Variants in CNTNAP3B observed in about 807,000 individuals in gnomAD.
CNTNAP3B encodes the protein contactin-associated protein-like 3B.
Under a neutral mutation model 108.9 loss-of-function variants are expected in CNTNAP3B, and 25 were observed. The ratio of observed to expected loss-of-function variants is 0.23; its 90% CI spans 0.17 to 0.32. The LOEUF (loss-of-function observed/expected upper bound fraction) is 0.32. CNTNAP3B is among the 10% of genes least tolerant of loss of function. The pLI, the probability that CNTNAP3B is intolerant of heterozygous loss-of-function variation, is 1.00. For missense variants in CNTNAP3B, 252 were observed against 1,210.4 expected, an observed-to-expected ratio of 0.21 and a Z score of 11.75; for synonymous variants, 103 against 473.4, an observed-to-expected ratio of 0.22 and a Z score of 10.16.
At chr9:42,035,327 C>G (rs1826601543) in intron 3 of CNTNAP3B, among the ~76,000 whole-genome samples, 2 of 146,254 alleles carry the variant, frequency 1.4e-5, no homozygotes, top group Admixed American at 1.4e-4. Context: ...TCCTATGATT[C>G]AATTTTCAGA....
chr9:41,968,802 T>TA (rs1388237188), intron 10 of CNTNAP3B, among the ~76,000 whole-genome samples: 3 of 1,232 alleles, frequency 2.4e-3, no homozygotes, highest in African/African-American at 4.4e-3. Flanking sequence ...CAGATATAAC[T>TA]TTTTTTTTTT....
intron 3 of CNTNAP3B, among the ~76,000 whole-genome samples, chr9:42,031,872 G>A (rs1826528531): frequency 1.2e-5 from 1 of 85,408 alleles, no homozygotes; most frequent in Non-Finnish European, 2.4e-5. Context: ...CTGGCTGGAT[G>A]AAGATTATTT....
At chr9:42,063,953 T>C in intron 3 of CNTNAP3B, among the ~76,000 whole-genome samples, 1 of 148,088 alleles carries the variant, frequency 6.8e-6, no homozygotes, top group East Asian at 2.0e-4. Context: ...GTCCATACTT[T>C]TAAGTTTTGT....
Position 41,997,772 on chromosome 9 carries a change from AAC to A in CNTNAP3B, c.743-22_743-21del, listed in dbSNP as rs747633884. The A allele has an allele frequency of 7.4e-7, 1 of 1,347,780 alleles. No individual in the cohort carries two copies. The highest frequency in any genetic ancestry group is 1.3e-5 in the South Asian group (1 of 75,722). 83.5% of individuals were successfully genotyped at this position (1,347,780 alleles called of 1,614,324 possible). A position where few individuals can be genotyped will look rare whatever the true frequency, so the allele number is the denominator to read the frequency against. On this transcript the variant is annotated intron_variant, in intron 5 of 23. Transcript: ENST00000377561. ...CATTGCCTTAAAGGAGAAGGAAAAA[AAC>A]AGTTATTTCTGTTCAAAATCACGGC...
intron 15 of CNTNAP3B, among the ~76,000 whole-genome samples, chr9:41,925,384 G>T (rs1208453700): frequency 2.0e-5 from 3 of 152,208 alleles, no homozygotes; most frequent in Non-Finnish European, 4.4e-5. Flanking sequence ...ATGAGGTCAG[G>T]AGATCCAGAC....
At chr9:41,934,122 T>TATATATATATAC (rs1214326050) in intron 14 of CNTNAP3B, among the ~76,000 whole-genome samples, 44 of 73,446 alleles carry the variant, frequency 6.0e-4, no homozygotes, top group African/African-American at 1.9e-3. Context: ...TATATATATA[T>TATATATATATAC]ACACACACAT....
intron 11 of CNTNAP3B, among the ~76,000 whole-genome samples, chr9:41,961,508 C>T (rs1825090566): frequency 6.6e-6 from 1 of 152,302 alleles, no homozygotes; most frequent in South Asian, 2.1e-4. Context: ...AACTGAATAC[C>T]TAAGCACATT....
intron 13 of CNTNAP3B, among the ~76,000 whole-genome samples, chr9:41,943,421 C>T (rs1283909457): frequency 1.2e-4 from 17 of 145,938 alleles, no homozygotes; most frequent in South Asian, 1.1e-3. Flanking sequence ...GGTGCAATCT[C>T]GGCTCACTGC....
chr9:42,119,982 A>G (rs1828422374), intron 1 of CNTNAP3B, among the ~76,000 whole-genome samples: 1 of 144,070 alleles, frequency 6.9e-6, no homozygotes, highest in African/African-American at 2.7e-5. Context: ...AATGGGATCT[A>G]ATTAAACTAA....
rs568269570 is a variant in CNTNAP3B at position 42,122,567 on chromosome 9, A to G, written c.85+6443T>C. Among the ~76,000 whole-genome samples, 810 of 132,880 alleles carry G rather than the reference A, an allele frequency of 6.1e-3. 159 individuals carry two copies. The highest frequency in any genetic ancestry group is 0.023 in the African/African-American group (769 of 33,294). 87.2% of individuals were successfully genotyped at this position (132,880 alleles called of 152,430 possible). On this transcript the variant is annotated intron_variant, in intron 1 of 23. Coordinates refer to ENST00000377561, the MANE Select transcript of CNTNAP3B (RefSeq NM_001201380.3). ...TTTGAACAGCTATATAATATTATAT[A>G]TTTATTTTCCCATTTGATGTTGCAT...
At chr9:41,920,809 T>C (rs2117942458) in intron 17 of CNTNAP3B, among the ~76,000 whole-genome samples, 1 of 152,426 alleles carries the variant, frequency 6.6e-6, no homozygotes, top group South Asian at 2.1e-4. Flanking sequence ...AAATAAAGTG[T>C]GAAAGGAAAT....
chr9:42,034,182 A>ATATCTATCTATC (rs1217089190), intron 3 of CNTNAP3B, among the ~76,000 whole-genome samples: 2 of 61,862 alleles, frequency 3.2e-5, no homozygotes, highest in African/African-American at 1.1e-4. Flanking sequence ...ATGTATGTAT[A>ATATCTATCTATC]TATGTATCTA....
At chr9:42,038,648 C>G (rs1826683205) in intron 3 of CNTNAP3B, among the ~76,000 whole-genome samples, 2 of 109,842 alleles carry the variant, frequency 1.8e-5, no homozygotes, top group African/African-American at 3.8e-5. Flanking sequence ...TAGAGACTTA[C>G]AGAGACTTAG....
chr9:42,003,006 C>T (rs1375404492), intron 4 of CNTNAP3B, among the ~76,000 whole-genome samples: 1 of 118,520 alleles, frequency 8.4e-6, no homozygotes, highest in Non-Finnish European at 1.7e-5. Context: ...CCAGCCTCAG[C>T]CTCCCAAGTA....
At chr9:42,127,224 C>G (rs1181442407) in intron 1 of CNTNAP3B, among the ~76,000 whole-genome samples, 1 of 138,550 alleles carries the variant, frequency 7.2e-6, no homozygotes, top group Admixed American at 7.2e-5. Context: ...GCGAGAGTCC[C>G]GTCTGGTGCT....
intron 3 of CNTNAP3B, among the ~76,000 whole-genome samples, chr9:42,034,233 A>T (rs1286280958): frequency 1.0e-5 from 1 of 98,274 alleles, no homozygotes; most frequent in East Asian, 4.8e-4. Context: ...ATACATAATA[A>T]CTCTCCTTCT....
At chr9:41,928,397 G>C (rs796605020) in intron 15 of CNTNAP3B, among the ~76,000 whole-genome samples, 3 of 152,014 alleles carry the variant, frequency 2.0e-5, no homozygotes. Context: ...ACAAGGGTCC[G>C]GGACTCCTTC....
intron 7 of CNTNAP3B, among the ~76,000 whole-genome samples, chr9:41,995,752 T>C (rs1198039144): frequency 4.2e-5 from 5 of 118,614 alleles, no homozygotes; most frequent in African/African-American, 1.8e-4. Flanking sequence ...AAAAAAAAAA[T>C]TGGCCAGGCC....
Position 41,953,452 on chromosome 9 carries a change from A to G in CNTNAP3B, c.1877-66T>C, listed in dbSNP as rs143037568. The G allele has an allele frequency of 7.9e-3, 11,974 of 1,516,112 alleles. 71 individuals are homozygous for G. Among genetic ancestry groups the G allele is most frequent in the African/African-American group, 0.034 (2,473 of 72,216 alleles). 93.9% of individuals were successfully genotyped at this position (1,516,112 alleles called of 1,614,324 possible). A position where few individuals can be genotyped will look rare whatever the true frequency, so the allele number is the denominator to read the frequency against. On this transcript the variant is annotated intron_variant, in intron 12 of 23. Transcript: ENST00000377561. The stretch of plus-strand genomic sequence containing the variant: ...AGACGCCAGCAGCAAGAGGCAAAGC[A>G]GACCTTTTATGTGAATTAACGTTTA...
Sources: gnomAD v4.1 joint callset for allele counts (sites outside exome capture counted in the v4.1 genomes callset) on GRCh38, gnomAD v4.1.1 for gene constraint, MANE v1.5 for transcripts, NCBI Gene and HGNC (gene_info 2026-07-23, HGNC 2026-07-21) for gene names.